Variants in DARS1 observed in about 807,000 individuals in gnomAD.
DARS1 encodes aspartyl-tRNA synthetase 1, also known as aspartate--tRNA ligase, cytoplasmic.
Under a neutral mutation model 68.8 loss-of-function variants are expected in DARS1, and 51 were observed. The observed-to-expected ratio is 0.74, with a 90% CI of 0.59 to 0.94. The LOEUF (loss-of-function observed/expected upper bound fraction) is 0.94, where lower values mean the gene tolerates loss of function less well. Ranked by LOEUF, DARS1 falls within the 40% of genes least tolerant of loss-of-function variation. The probability of loss-of-function intolerance (pLI) is 0.00; values close to 1 mark genes in which losing one functional copy is unlikely to be tolerated. For synonymous variants in DARS1, 203 were observed against 190.4 expected (o/e 1.07, Z -0.55); for missense variants, 607 against 597.3 (o/e 1.02, Z -0.17).
chr2:135,942,774 T>A (rs1233044372), intron 5 of DARS1, among the ~76,000 whole-genome samples: 2 of 152,296 alleles, frequency 1.3e-5, no homozygotes, highest in East Asian at 3.9e-4. Context: ...GTTTTTCAGA[T>A]GTGTTTTGTA....
rs529741626 is a variant in DARS1 at position 135,920,694 on chromosome 2, A to C, written c.812-94T>G. ...ACAAACTTTTATTTAGTTGGATTCC[A>C]GTGGTATTATTTTCATATTACAGGG... On this transcript the variant is annotated intron_variant, in intron 9 of 15. Coordinates refer to ENST00000264161, the MANE Select transcript of DARS1 (RefSeq NM_001349.4). 192 of 1,417,566 alleles carry C rather than the reference A, an allele frequency of 1.4e-4. 3 individuals are homozygous for C. In the African/African-American group the frequency reaches 2.3e-3, roughly 17 times the overall value. 87.8% of individuals were successfully genotyped at this position (1,417,566 alleles called of 1,614,324 possible). A position where few individuals can be genotyped will look rare whatever the true frequency, so the allele number is the denominator to read the frequency against.
At chr2:135,935,080 C>T (rs1681437969) in intron 5 of DARS1, among the ~76,000 whole-genome samples, 1 of 152,038 alleles carries the variant, frequency 6.6e-6, no homozygotes, top group Admixed American at 6.5e-5. Context: ...TGAGCCACCA[C>T]GCCCGGCCAT....
intron 10 of DARS1, among the ~76,000 whole-genome samples, chr2:135,918,618 A>G (rs896338144): frequency 3.9e-5 from 6 of 152,210 alleles, no homozygotes; most frequent in Admixed American, 6.5e-5. Flanking sequence ...ATTTGTAAGT[A>G]GAGATTTGAT....
intron 11 of DARS1, 56 bp from the exon 12 acceptor site, chr2:135,914,567 T>C (rs1680968167): frequency 3.2e-6 from 3 of 941,930 alleles, no homozygotes; most frequent in South Asian, 2.6e-5. Context: ...TTAAAAACAT[T>C]AATAAGGAAC....
At chr2:135,982,229 AAAAG>A (rs1471366484) in intron 2 of DARS1, among the ~76,000 whole-genome samples, 1 of 152,210 alleles carries the variant, frequency 6.6e-6, no homozygotes, top group Non-Finnish European at 1.5e-5. Context: ...GAATAGAAGT[AAAAG>A]AAAGGCAAAC....
intron 3 of DARS1, 47 bp downstream of exon 3, chr2:135,979,227 A>T: frequency 1.2e-6 from 1 of 861,076 alleles, no homozygotes; most frequent in South Asian, 1.4e-5. Context: ...AAGACAAAAA[A>T]TTCGGAGTCC....
chr2:135,943,523 G>A, intron 4 of DARS1, 43 bp from the exon 5 acceptor site: 7 of 1,602,826 alleles, frequency 4.4e-6, no homozygotes, highest in East Asian at 4.5e-5. Context: ...TCTCATCAGA[G>A]GTGTCAGAAC....
chr2:135,946,844 C>A (rs16832275), intron 4 of DARS1, among the ~76,000 whole-genome samples: 1 of 151,946 alleles, frequency 6.6e-6, no homozygotes, highest in Non-Finnish European at 1.5e-5. Context: ...AGAAGAATCA[C>A]TGGGATCAAC....
At chr2:135,964,506 T>C (rs922807078) in intron 3 of DARS1, among the ~76,000 whole-genome samples, 2 of 152,068 alleles carry the variant, frequency 1.3e-5, no homozygotes, top group African/African-American at 2.4e-5. Flanking sequence ...CTCCTAAGAT[T>C]TGCATGCCTG....
At chr2:135,975,909 A>G (rs563383393) in intron 3 of DARS1, among the ~76,000 whole-genome samples, 2 of 152,152 alleles carry the variant, frequency 1.3e-5, no homozygotes, top group Non-Finnish European at 2.9e-5. Flanking sequence ...AGATTGCCTC[A>G]CTGCACTCCA....
intron 3 of DARS1, among the ~76,000 whole-genome samples, chr2:135,964,272 A>T (rs1430781191): frequency 1.3e-5 from 2 of 152,202 alleles, no homozygotes; most frequent in Admixed American, 6.5e-5. Context: ...ATTATAGGAA[A>T]TTGTTCTGTC....
chr2:135,920,626 G>A (rs1311478747), intron 9 of DARS1, 26 bp from the exon 10 acceptor site: 3 of 1,538,050 alleles, frequency 2.0e-6, no homozygotes, highest in African/African-American at 1.4e-5. Context: ...AAGAAATAGA[G>A]AGCAAACACT....
intron 3 of DARS1, among the ~76,000 whole-genome samples, chr2:135,962,280 A>ACC (rs1480517893): frequency 6.6e-6 from 1 of 152,140 alleles, no homozygotes; most frequent in East Asian, 1.9e-4. Context: ...ATATTTCGTT[A>ACC]TTATGTATCC....
intron 4 of DARS1, among the ~76,000 whole-genome samples, chr2:135,959,213 GA>G (rs1385425375): frequency 1.3e-5 from 2 of 151,612 alleles, no homozygotes; most frequent in Non-Finnish European, 2.9e-5. Context: ...CCAACATGGA[GA>G]AACCTCGTCT....
chr2:135,914,528 A>C lies in DARS1; in HGVS notation c.1107-17T>G. The C allele has an allele frequency of 7.3e-7, 1 of 1,362,816 alleles. No individual in the cohort carries two copies. The highest frequency in any genetic ancestry group is 1.4e-5 in the African/African-American group (1 of 70,218). The allele number at this position is 1,362,816 out of a possible 1,614,324, so 84.4% of individuals were successfully genotyped here. ...TTTGGTGTGCTGAAAAAGAAACGTG[A>C]AATCAGTGTTTGAAGATCAAATGGC... is the stretch of plus-strand genomic sequence containing the variant. On this transcript the variant is annotated splice_polypyrimidine_tract_variant and intron_variant, in intron 11 of 15. Coordinates refer to ENST00000264161, the MANE Select transcript of DARS1 (RefSeq NM_001349.4).
chr2:135,909,941 T>C (rs534943685), intron 15 of DARS1, among the ~76,000 whole-genome samples: 1 of 152,284 alleles, frequency 6.6e-6, no homozygotes, highest in East Asian at 1.9e-4. Context: ...ATTTGGCATG[T>C]TCAACCAGTA....
rs376296354 is a variant in DARS1, at chr2:135,979,265, C to G, written c.217+9G>C. The G allele has an allele frequency of 2.7e-5, 32 of 1,169,914 alleles. No individual in the cohort carries two copies. Among genetic ancestry groups the G allele is most frequent in the East Asian group, 2.3e-4 (10 of 42,702 alleles). 72.5% of individuals were successfully genotyped at this position (1,169,914 alleles called of 1,614,324 possible). ...ACCGAAAGAGCTTTAATAATGAAACCAATCCTACCTTTAGCTCTGCTTGTA... is the reference window on the plus strand; with the variant it reads ...ACCGAAAGAGCTTTAATAATGAAACGAATCCTACCTTTAGCTCTGCTTGTA... On this transcript the variant is annotated intron_variant, in intron 3 of 15. Transcript: ENST00000264161.
intron 3 of DARS1, among the ~76,000 whole-genome samples, chr2:135,973,188 A>C (rs934675637): frequency 6.6e-6 from 1 of 152,210 alleles, no homozygotes; most frequent in Admixed American, 6.5e-5. Context: ...CCATCAACAG[A>C]TGAATGGATA....
At chr2:135,911,332 T>A (rs778333069) in intron 14 of DARS1, 50 bp downstream of exon 14, 1 of 854,498 alleles carries the variant, frequency 1.2e-6, no homozygotes, top group East Asian at 2.4e-5. Flanking sequence ...ATGTTTACAA[T>A]GTATTATTTT....
Sources: gnomAD v4.1 joint callset for allele counts (sites outside exome capture counted in the v4.1 genomes callset) on GRCh38, gnomAD v4.1.1 for gene constraint, MANE v1.5 for transcripts, NCBI Gene and HGNC (gene_info 2026-07-23, HGNC 2026-07-21) for gene names.